The following MDGA2 variants were observed in gnomAD, a reference collection of about 807,000 sequenced individuals.
MDGA2 encodes MAM domain containing glycosylphosphatidylinositol anchor 2.
A neutral mutation model predicts 117.8 loss-of-function variants in MDGA2; 40 were observed. The ratio of observed to expected loss-of-function variants is 0.34; its 90% CI spans 0.26 to 0.44. The LOEUF (loss-of-function observed/expected upper bound fraction) is 0.44. Among genes scored for constraint, MDGA2 ranks in the 20% least tolerant of loss-of-function variants. The pLI is 1.00. For missense variants in MDGA2, 1,123 were observed against 1,250.6 expected, an observed-to-expected ratio of 0.90 and a Z score of 1.54; for synonymous variants, 452 against 439.0, an observed-to-expected ratio of 1.03 and a Z score of -0.37.
At chr14:47,150,164 A>C (rs1286930730) in intron 3 of MDGA2, among the ~76,000 whole-genome samples, 1 of 152,200 alleles carries the variant, frequency 6.6e-6, no homozygotes, top group African/African-American at 2.4e-5. Context: ...CCATAGGTCC[A>C]GATGGTTTAG....
intron 3 of MDGA2, among the ~76,000 whole-genome samples, chr14:47,211,418 T>A (rs542549138): frequency 6.6e-6 from 1 of 152,138 alleles, no homozygotes; most frequent in Non-Finnish European, 1.5e-5. Flanking sequence ...CCTGTCTTCA[T>A]AGGTTTTCCC....
chr14:47,278,879 G>C (rs968552392), intron 2 of MDGA2, among the ~76,000 whole-genome samples: 3 of 151,986 alleles, frequency 2.0e-5, no homozygotes, highest in African/African-American at 7.3e-5. Context: ...GTTTCCACTT[G>C]CCTTGTCATT....
At chr14:47,073,627 G>T (rs1890374577) in intron 6 of MDGA2, among the ~76,000 whole-genome samples, 1 of 152,146 alleles carries the variant, frequency 6.6e-6, no homozygotes, top group African/African-American at 2.4e-5. Flanking sequence ...GACAAAGACT[G>T]ACAGTATTTT....
chr14:47,227,951 C>T (rs547567863), intron 2 of MDGA2, among the ~76,000 whole-genome samples: 1 of 152,094 alleles, frequency 6.6e-6, no homozygotes, highest in South Asian at 2.1e-4. Flanking sequence ...CCCTTGAATC[C>T]CAGACTTTTA....
At chr14:47,053,601 G>GTATA (rs373802720) in intron 7 of MDGA2, among the ~76,000 whole-genome samples, 29 of 107,580 alleles carry the variant, frequency 2.7e-4, no homozygotes, top group Non-Finnish European at 4.4e-4. Flanking sequence ...GTGTGTATGT[G>GTATA]TATATATATA....
chr14:47,659,231 A>G (rs540078628), intron 1 of MDGA2, among the ~76,000 whole-genome samples: 12 of 152,350 alleles, frequency 7.9e-5, no homozygotes, highest in Admixed American at 7.8e-4. Flanking sequence ...CCCAGAGCAG[A>G]GCACAATAGT....
At chr14:47,418,750 C>T (rs1449579411) in intron 1 of MDGA2, among the ~76,000 whole-genome samples, 1 of 152,122 alleles carries the variant, frequency 6.6e-6, no homozygotes, top group Non-Finnish European at 1.5e-5. Flanking sequence ...TACTTCCTTA[C>T]TTCATTTTCC....
At chr14:47,315,441 T>C (rs935127657) in intron 1 of MDGA2, among the ~76,000 whole-genome samples, 3 of 152,164 alleles carry the variant, frequency 2.0e-5, no homozygotes, top group Non-Finnish European at 4.4e-5. Flanking sequence ...TGTGTTACTG[T>C]AAGTGACTTT....
At chr14:46,915,437 A>G in intron 10 of MDGA2, among the ~76,000 whole-genome samples, 1 of 152,202 alleles carries the variant, frequency 6.6e-6, no homozygotes, top group Non-Finnish European at 1.5e-5. Flanking sequence ...CCCCATAAAC[A>G]TGTATAAATA....
At chr14:47,382,153 G>A (rs1594828236) in intron 1 of MDGA2, among the ~76,000 whole-genome samples, 1 of 152,294 alleles carries the variant, frequency 6.6e-6, no homozygotes, top group South Asian at 2.1e-4. Context: ...CTAGCCATAC[G>A]TAGAAAGCTG....
chr14:47,134,397 T>C (rs931780430), intron 4 of MDGA2, among the ~76,000 whole-genome samples: 2 of 152,092 alleles, frequency 1.3e-5, no homozygotes, highest in Non-Finnish European at 2.9e-5. Context: ...GAGTAAAATA[T>C]AATCAGAGCC....
rs56285818 is a variant in MDGA2, at chr14:47,408,056, C to CTTTTTTT, written c.281-106513_281-106507dup. On this transcript the variant is annotated intron_variant, in intron 1 of 16. Coordinates refer to ENST00000399232, the MANE Select transcript of MDGA2 (RefSeq NM_001113498.3). The stretch of plus-strand genomic sequence containing the variant: ...TGAGCCTTAAAATAGGGAGATTATT[C>CTTTTTTT]TTTTTTTTTTTTTTTTTTTTGGTGG... Among the ~76,000 whole-genome samples, 214 of 115,034 alleles carry CTTTTTTT rather than the reference C, an allele frequency of 1.9e-3. 1 individual carries two copies. The highest frequency in any genetic ancestry group is 3.5e-3 in the East Asian group (13 of 3,714). 75.5% of individuals were successfully genotyped at this position (115,034 alleles called of 152,430 possible).
chr14:47,107,953 AG>A (rs1880813986), intron 5 of MDGA2, among the ~76,000 whole-genome samples: 2 of 150,450 alleles, frequency 1.3e-5, no homozygotes, highest in South Asian at 4.2e-4. Flanking sequence ...TCCTCAGTTT[AG>A]CCTTCCCACC....
chr14:46,927,923 A>G (rs938625929), intron 9 of MDGA2, among the ~76,000 whole-genome samples: 3 of 152,192 alleles, frequency 2.0e-5, no homozygotes, highest in Non-Finnish European at 4.4e-5. Flanking sequence ...CTAAGAATTT[A>G]TAGCCCTGGA....
chr14:47,215,513 T>C (rs1285980317), intron 3 of MDGA2, among the ~76,000 whole-genome samples: 1 of 152,138 alleles, frequency 6.6e-6, no homozygotes, highest in Non-Finnish European at 1.5e-5. Flanking sequence ...TTGGAGCACA[T>C]GGACTCCTTA....
chr14:47,327,364 A>G (rs577153948), intron 1 of MDGA2, among the ~76,000 whole-genome samples: 80 of 152,276 alleles, frequency 5.3e-4, no homozygotes, highest in Non-Finnish European at 9.6e-4. Context: ...GTGCCTTTAT[A>G]TATAACAGTT....
intron 12 of MDGA2, among the ~76,000 whole-genome samples, chr14:46,876,038 G>A (rs990028432): frequency 3.6e-4 from 54 of 151,448 alleles, no homozygotes; most frequent in African/African-American, 1.2e-3. Context: ...CAATAATGCA[G>A]CTTATGAAAA....
intron 1 of MDGA2, among the ~76,000 whole-genome samples, chr14:47,331,392 G>C (rs1410316585): frequency 6.6e-6 from 1 of 151,736 alleles, no homozygotes. Flanking sequence ...TATTACTGTA[G>C]ATGTCATTAT....
At chr14:47,514,359 A>G (rs147083546) in intron 1 of MDGA2, among the ~76,000 whole-genome samples, 2,128 of 152,200 alleles carry the variant, frequency 0.014, 41 homozygotes, top group African/African-American at 0.048. Flanking sequence ...TTAAGAAGCA[A>G]GTAAAATTAG....
Sources: allele counts gnomAD v4.1 joint callset (sites outside exome capture counted in the v4.1 genomes callset), GRCh38; gene constraint gnomAD v4.1.1; transcripts MANE v1.5; gene names NCBI Gene and HGNC (gene_info 2026-07-23, HGNC 2026-07-21).